The following ACOT7 variants were observed in gnomAD, a reference collection of about 807,000 sequenced individuals.
The protein encoded by ACOT7 is cytosolic acyl coenzyme A thioester hydrolase.
Under a neutral mutation model 40.2 loss-of-function variants are expected in ACOT7, and 12 were observed. The ratio of observed to expected loss-of-function variants is 0.30; its 90% CI spans 0.19 to 0.48. The LOEUF (loss-of-function observed/expected upper bound fraction) is 0.48, where lower values mean the gene tolerates loss of function less well. Ranked by LOEUF, ACOT7 falls within the 20% of genes least tolerant of loss-of-function variation. The pLI is 0.99. For missense variants in ACOT7, 395 were observed against 530.8 expected, an observed-to-expected ratio of 0.74 and a Z score of 2.51; for synonymous variants, 228 against 219.5, an observed-to-expected ratio of 1.04 and a Z score of -0.34.
intron 8 of ACOT7, among the ~76,000 whole-genome samples, chr1:6,268,075 T>G (rs1638903868): frequency 6.6e-6 from 1 of 152,212 alleles, no homozygotes; most frequent in Non-Finnish European, 1.5e-5. Flanking sequence ...GATTGGCGGT[T>G]GCCTGGGGCT....
At chr1:6,365,888 T>C (rs932881080) in intron 1 of ACOT7, among the ~76,000 whole-genome samples, 1 of 151,974 alleles carries the variant, frequency 6.6e-6, no homozygotes, top group Non-Finnish European at 1.5e-5. Context: ...CTGATTCATA[T>C]TGTTTTGGGG....
At chr1:6,391,786 C>T (rs1557678252) in intron 1 of ACOT7, among the ~76,000 whole-genome samples, 1 of 152,188 alleles carries the variant, frequency 6.6e-6, no homozygotes, top group Non-Finnish European at 1.5e-5. Flanking sequence ...GTAAGGGTGG[C>T]ACTACCGACC....
intron 2 of ACOT7, among the ~76,000 whole-genome samples, chr1:6,345,055 A>T (rs1222695465): frequency 6.6e-6 from 1 of 152,178 alleles, no homozygotes; most frequent in Non-Finnish European, 1.5e-5. Flanking sequence ...GGCCAGTGTG[A>T]TCCAAAACTT....
At chr1:6,308,528 C>T (rs533323929) in intron 6 of ACOT7, among the ~76,000 whole-genome samples, 1 of 148,268 alleles carries the variant, frequency 6.7e-6, no homozygotes, top group East Asian at 2.0e-4. Flanking sequence ...CAGAGGGAAC[C>T]ACAACAGGCA....
intron 5 of ACOT7, among the ~76,000 whole-genome samples, chr1:6,326,944 A>G (rs527998055): frequency 2.0e-5 from 3 of 151,956 alleles, no homozygotes; most frequent in African/African-American, 7.2e-5. Flanking sequence ...AAAAAAAAAA[A>G]AAAGAAAAGA....
intron 6 of ACOT7, among the ~76,000 whole-genome samples, chr1:6,300,926 T>C (rs1639956117): frequency 6.6e-6 from 1 of 152,190 alleles, no homozygotes; most frequent in Non-Finnish European, 1.5e-5. Context: ...ACCAGACACA[T>C]GGAGAGTCAC....
intron 6 of ACOT7, among the ~76,000 whole-genome samples, chr1:6,305,352 A>C (rs371098025): frequency 1.3e-3 from 108 of 83,068 alleles, no homozygotes; most frequent in South Asian, 3.1e-3. Context: ...ACCTCCCGGA[A>C]GGGGCGGCTG....
chr1:6,352,380 T>C lies in ACOT7; in HGVS notation c.144-2514A>G. 6.6e-6 allele frequency: 1 copy of C among 152,252 alleles called. No homozygotes were observed. The highest frequency in any genetic ancestry group is 1.5e-5 in the Non-Finnish European group (1 of 68,262). The allele number at this position is 152,252 out of a possible 1,614,324, so 9.4% of individuals were successfully genotyped here. A position where few individuals can be genotyped will look rare whatever the true frequency, so the allele number is the denominator to read the frequency against. ...TCCCCTCCCCACCTCCCTCATTCCT[T>C]CCAAACAGCTCAGGAACCGCTGGAT... is the stretch of plus-strand genomic sequence containing the variant. On this transcript the variant is annotated intron_variant, in intron 1 of 8. Transcript: ENST00000361521. This position sits in a 1 kb window ranked among gnomAD's most constrained non-coding sequence, Gnocchi z 4.5.
At chr1:6,374,225 G>A (rs1443805810) in intron 1 of ACOT7, among the ~76,000 whole-genome samples, 1 of 152,226 alleles carries the variant, frequency 6.6e-6, no homozygotes, top group African/African-American at 2.4e-5. Context: ...CCAAACAGAG[G>A]CGGGAGGGAG....
rs113604776 is a variant in ACOT7 at position 6,385,910 on chromosome 1, T to G, written c.143+7347A>C. 46 of 1,148,592 alleles carry G rather than the reference T, an allele frequency of 4.0e-5. 1 individual carries two copies. The African/African-American group carries it at 4.8e-4, about 12-fold the overall frequency. 71.2% of individuals were successfully genotyped at this position (1,148,592 alleles called of 1,614,324 possible). A position where few individuals can be genotyped will look rare whatever the true frequency, so the allele number is the denominator to read the frequency against. On this transcript the variant is annotated intron_variant, in intron 1 of 8. Transcript: ENST00000361521. ...AAAGACCAGTGATGCAAGGAATCCA[T>G]GACTCGGCCTGAACTCACAGACAGG...
intron 1 of ACOT7, among the ~76,000 whole-genome samples, chr1:6,390,652 C>T (rs1392669287): frequency 2.7e-5 from 4 of 149,914 alleles, no homozygotes; most frequent in African/African-American, 7.4e-5. Context: ...AGCACACACA[C>T]GGGCCAGGCG....
chr1:6,290,967 A>G (rs1048772140), intron 7 of ACOT7, among the ~76,000 whole-genome samples: 5 of 152,180 alleles, frequency 3.3e-5, no homozygotes, highest in Non-Finnish European at 7.3e-5. Context: ...CTCCAGGCTG[A>G]CGTCAATTTC....
chr1:6,343,524 C>G (rs962463451), intron 2 of ACOT7, among the ~76,000 whole-genome samples: 3 of 152,260 alleles, frequency 2.0e-5, no homozygotes, highest in African/African-American at 7.2e-5. Context: ...CCCCAGCAAA[C>G]CCTGCCCTAC....
chr1:6,289,251 C>T lies in ACOT7; in HGVS notation c.829+5613G>A, dbSNP rs917865964. The stretch of plus-strand genomic sequence containing the variant: ...AGTAGCTGGGATTACAGGCGCCTGC[C>T]CCCACGCCCGGCTAATTTTTGTATT... On this transcript the variant is annotated intron_variant, in intron 7 of 8. Coordinates refer to ENST00000361521, the MANE Select transcript of ACOT7 (RefSeq NM_007274.4). This position sits in a 1 kb window ranked among gnomAD's most constrained non-coding sequence, Gnocchi z 4.6. Among the ~76,000 whole-genome samples, 1 of 152,132 alleles carries T rather than the reference C, an allele frequency of 6.6e-6. No homozygotes were observed. The highest frequency in any genetic ancestry group is 2.4e-5 in the African/African-American group (1 of 41,408).
At chr1:6,385,059 G>C (rs1419332760) in intron 1 of ACOT7, among the ~76,000 whole-genome samples, 1 of 151,938 alleles carries the variant, frequency 6.6e-6, no homozygotes, top group Non-Finnish European at 1.5e-5. Context: ...GCACTGTTAG[G>C]ATCAGCCAAT....
intron 6 of ACOT7, among the ~76,000 whole-genome samples, chr1:6,303,099 G>A (rs1640016660): frequency 1.3e-5 from 2 of 152,048 alleles, no homozygotes; most frequent in Admixed American, 6.5e-5. Flanking sequence ...TTAAAATATC[G>A]AGTGCCTAAG....
At chr1:6,346,975 A>G (rs1420004363) in intron 2 of ACOT7, among the ~76,000 whole-genome samples, 1 of 152,142 alleles carries the variant, frequency 6.6e-6, no homozygotes, top group Non-Finnish European at 1.5e-5. Context: ...TGGGGCAAGG[A>G]CAGGAGTGTC....
chr1:6,284,860 C>G (rs537565988), intron 7 of ACOT7, among the ~76,000 whole-genome samples: 1 of 152,264 alleles, frequency 6.6e-6, no homozygotes, highest in East Asian at 1.9e-4. Flanking sequence ...TCCTGGCCCC[C>G]GTGGTCTCTC....
intron 1 of ACOT7, among the ~76,000 whole-genome samples, chr1:6,378,346 C>A (rs971233200): frequency 6.6e-6 from 1 of 151,846 alleles, no homozygotes; most frequent in Non-Finnish European, 1.5e-5. Flanking sequence ...CCCAGTGATA[C>A]ATTTTACAGC....
Sources: gnomAD v4.1 joint callset for allele counts (sites outside exome capture counted in the v4.1 genomes callset) on GRCh38, gnomAD v4.1.1 for gene constraint, Gnocchi (gnomAD v3.1) non-coding constraint, MANE v1.5 for transcripts, NCBI Gene and HGNC (gene_info 2026-07-23, HGNC 2026-07-21) for gene names.